DNAJC1: variants seen among roughly 807,000 people sequenced by gnomAD.
DNAJC1 encodes dnaJ homolog subfamily C member 1.
Under a neutral mutation model 76.6 loss-of-function variants are expected in DNAJC1, and 58 were observed. The ratio of observed to expected loss-of-function variants is 0.76; its 90% confidence interval spans 0.61 to 0.94. DNAJC1 has a LOEUF of 0.94. DNAJC1 is among the 40% of genes least tolerant of loss of function. The pLI, the probability that DNAJC1 is intolerant of heterozygous loss-of-function variation, is 0.00. For missense variants in DNAJC1, 689 were observed against 677.3 expected, an observed-to-expected ratio of 1.02 and a Z score of -0.19; for synonymous variants, 258 against 267.9, an observed-to-expected ratio of 0.96 and a Z score of 0.36.
intron 1 of DNAJC1, among the ~76,000 whole-genome samples, chr10:21,946,040 T>C (rs1334493786): frequency 1.4e-5 from 2 of 141,146 alleles, no homozygotes; most frequent in African/African-American, 2.7e-5. Context: ...CAAATTCCTT[T>C]CTTTTCCTCT....
In DNAJC1 at chr10:21,911,042, AG is replaced by A. The variant is rs1836851516; in HGVS notation, c.730-6431del. Among the ~76,000 whole-genome samples, 17 of 8,896 alleles carry A rather than the reference AG, an allele frequency of 1.9e-3. No homozygotes were observed. In the South Asian group the frequency reaches 0.1, roughly 52 times the overall value. The allele number at this position is 8,896 out of a possible 152,430, so 5.8% of individuals were successfully genotyped here. A position where few individuals can be genotyped will look rare whatever the true frequency, so the allele number is the denominator to read the frequency against. On this transcript the variant is annotated intron_variant, in intron 6 of 11. Coordinates refer to ENST00000376980, the MANE Select transcript of DNAJC1 (RefSeq NM_022365.4). The stretch of plus-strand genomic sequence containing the variant: ...GAAAAAGAGAAAGAAAGAGAGAGAA[AG>A]GAAGGAAGGAAGGAAGGAAGGAAGG...
chr10:21,895,987 T>A (rs1836535225), intron 7 of DNAJC1, among the ~76,000 whole-genome samples: 1 of 152,198 alleles, frequency 6.6e-6, no homozygotes, highest in Admixed American at 6.5e-5. Flanking sequence ...TAAACCTTGG[T>A]GGCATCCATG....
intron 8 of DNAJC1, among the ~76,000 whole-genome samples, chr10:21,879,202 T>C (rs1392675745): frequency 6.6e-6 from 1 of 152,214 alleles, no homozygotes; most frequent in Non-Finnish European, 1.5e-5. Flanking sequence ...CTGTGATAGT[T>C]CACTGAGCTG....
chr10:21,843,765 A>T (rs921161059), intron 8 of DNAJC1, among the ~76,000 whole-genome samples: 6 of 151,022 alleles, frequency 4.0e-5, no homozygotes, highest in Non-Finnish European at 8.8e-5. Flanking sequence ...TTTAAGAGGA[A>T]GTCTCACTCT....
chr10:21,840,715 C>T (rs1188199913), intron 8 of DNAJC1, among the ~76,000 whole-genome samples: 1 of 152,180 alleles, frequency 6.6e-6, no homozygotes, highest in Non-Finnish European at 1.5e-5. Context: ...CCCCATCAAG[C>T]TACCAATGAC....
At chr10:21,852,457 T>C (rs936386581) in intron 8 of DNAJC1, among the ~76,000 whole-genome samples, 1 of 152,160 alleles carries the variant, frequency 6.6e-6, no homozygotes, top group African/African-American at 2.4e-5. Flanking sequence ...TTTTAAAAGG[T>C]TAATTTTATG....
intron 8 of DNAJC1, among the ~76,000 whole-genome samples, chr10:21,866,134 C>CAAAAAAAA (rs1306930222): frequency 2.4e-4 from 8 of 34,000 alleles, no homozygotes; most frequent in Middle Eastern, 0.014. Context: ...GACTTCAACT[C>CAAAAAAAA]AAAAAAAAAA....
intron 1 of DNAJC1, among the ~76,000 whole-genome samples, chr10:21,956,334 T>C (rs1837681601): frequency 6.6e-6 from 1 of 152,192 alleles, no homozygotes. Context: ...CTCAACACTG[T>C]TGCATTAGGG....
chr10:21,837,814 C>T (rs1484457616), intron 8 of DNAJC1, among the ~76,000 whole-genome samples: 5 of 129,058 alleles, frequency 3.9e-5, no homozygotes, highest in African/African-American at 8.6e-5. Flanking sequence ...CCGCCCCGTC[C>T]GGGAGGGAGG....
chr10:21,971,842 A>G (rs900630136), intron 1 of DNAJC1, among the ~76,000 whole-genome samples: 2 of 151,916 alleles, frequency 1.3e-5, no homozygotes, highest in South Asian at 2.1e-4. Context: ...AACTGATGGA[A>G]TAACTGGAGG....
intron 3 of DNAJC1, 28 bp from the exon 4 acceptor site, chr10:21,920,991 C>A (rs528462119): frequency 3.4e-6 from 5 of 1,485,612 alleles, no homozygotes; most frequent in East Asian, 4.9e-5. Context: ...CAGTTTTTCA[C>A]GGGGAGTTTA....
intron 9 of DNAJC1, among the ~76,000 whole-genome samples, chr10:21,786,952 C>T (rs1834619490): frequency 6.6e-6 from 1 of 151,962 alleles, no homozygotes; most frequent in Non-Finnish European, 1.5e-5. Context: ...ATATTAACAA[C>T]CTTATGCCAA....
chr10:21,803,924 T>C (rs1834849972), intron 9 of DNAJC1: 1 of 983,604 alleles, frequency 1.0e-6, no homozygotes, highest in African/African-American at 1.8e-5. Context: ...GGTTTTCCAC[T>C]TCCATGATAA....
At position 21,928,524 on chromosome 10, in the gene DNAJC1, T is replaced by C; in HGVS notation, c.353A>G (p.Asp118Gly). ...QLVAIYEVLKDDERRQRYDDI... is the reference protein window; with the variant it reads ...QLVAIYEVLKGDERRQRYDDI... Reference sequence around the variant, plus strand: ...CACTCACCTCTGCCTTCGTTCATCATCCTTTAAAACTTCATAAATGGCCAC... The same window carrying C: ...CACTCACCTCTGCCTTCGTTCATCACCCTTTAAAACTTCATAAATGGCCAC... The change falls in exon 3 of 12, where the codon GAT becomes GGT. Residue 118 changes from aspartate to glycine, a missense_variant. By Grantham distance (94) the Asp-to-Gly change is moderately conservative. Coordinates refer to ENST00000376980, the MANE Select transcript of DNAJC1 (RefSeq NM_022365.4). 1 of 1,613,338 alleles carries C rather than the reference T, an allele frequency of 6.2e-7. No homozygotes were observed. The highest frequency in any genetic ancestry group is 8.5e-7 in the Non-Finnish European group (1 of 1,179,490).
At chr10:21,848,135 T>C (rs1017672325) in intron 8 of DNAJC1, among the ~76,000 whole-genome samples, 2 of 152,220 alleles carry the variant, frequency 1.3e-5, no homozygotes, top group Non-Finnish European at 2.9e-5. Context: ...TTTTGTCTTT[T>C]TGATAACAGT....
chr10:21,957,107 G>T (rs1837701043), intron 1 of DNAJC1, among the ~76,000 whole-genome samples: 1 of 151,892 alleles, frequency 6.6e-6, no homozygotes, highest in Admixed American at 6.6e-5. Flanking sequence ...GGCCAGGCTG[G>T]TCTTGAACTC....
At chr10:21,930,305 A>G (rs113612735) in intron 1 of DNAJC1, among the ~76,000 whole-genome samples, 2,070 of 152,296 alleles carry the variant, frequency 0.014, 42 homozygotes, top group African/African-American at 0.046. Flanking sequence ...TATTAAACTT[A>G]AAGTGTATTA....
At chr10:21,920,413 T>C (rs1420060609) in intron 4 of DNAJC1, among the ~76,000 whole-genome samples, 3 of 152,168 alleles carry the variant, frequency 2.0e-5, no homozygotes, top group African/African-American at 7.2e-5. Context: ...CAATTTTATT[T>C]ATTTACCTAA....
rs1192845921 is a variant in DNAJC1 at position 21,928,512 on chromosome 10, CTTCG to C, written c.361_364del (p.Arg121GlyfsTer8). On this transcript the variant is annotated frameshift_variant, in exon 3 of 12. Transcript: ENST00000376980. LOFTEE classifies it high-confidence loss of function. ...AGCAGAAATGAACACTCACCTCTGC[CTTCG>C]TTCATCATCCTTTAAAACTTCATAA... 1.9e-6 allele frequency: 3 copies of C among 1,612,938 alleles called. No homozygotes were observed. The highest frequency in any genetic ancestry group is 1.1e-5 in the South Asian group (1 of 90,990).
Sources: gnomAD v4.1 joint callset for allele counts (sites outside exome capture counted in the v4.1 genomes callset) on GRCh38, gnomAD v4.1.1 for gene constraint, MANE v1.5 for transcripts, NCBI Gene and HGNC (gene_info 2026-07-23, HGNC 2026-07-21) for gene names.